Variants in TRIQK observed in about 807,000 individuals in gnomAD.
The protein encoded by TRIQK is triple QxxK/R motif-containing protein.
Under a neutral mutation model 10.8 loss-of-function variants are expected in TRIQK, and 10 were observed. The observed-to-expected ratio is 0.92, with a 90% CI of 0.57 to 1.57. The LOEUF is 1.57. TRIQK is among the 40% of genes most tolerant of loss of function. The probability of loss-of-function intolerance (pLI) is 0.00; values close to 1 mark genes in which losing one functional copy is unlikely to be tolerated. For synonymous variants in TRIQK, 33 were observed against 33.7 expected, an observed-to-expected ratio of 0.98 and a Z score of 0.07; for missense variants, 107 against 97.7, an observed-to-expected ratio of 1.09 and a Z score of -0.40.
At chr8:92,989,805 A>T (rs1028053720) in intron 1 of TRIQK, among the ~76,000 whole-genome samples, 3 of 152,244 alleles carry the variant, frequency 2.0e-5, no homozygotes, top group Admixed American at 6.5e-5. Context: ...TGCCAAAAAG[A>T]TTGGGACCAC....
intron 3 of TRIQK, among the ~76,000 whole-genome samples, chr8:92,898,868 T>TATATATAA: frequency 7.5e-6 from 1 of 132,598 alleles, no homozygotes; most frequent in Non-Finnish European, 1.6e-5. Context: ...TATATATATA[T>TATATATAA]ATATAGATGG....
chr8:92,907,881 CAT>C (rs1161907125), intron 3 of TRIQK, among the ~76,000 whole-genome samples: 1 of 151,936 alleles, frequency 6.6e-6, no homozygotes, highest in African/African-American at 2.4e-5. Flanking sequence ...GATATAAAAA[CAT>C]ATTTAATAAA....
chr8:92,941,670 C>T (rs1811277152), intron 2 of TRIQK, among the ~76,000 whole-genome samples: 1 of 151,692 alleles, frequency 6.6e-6, no homozygotes, highest in Admixed American at 6.6e-5. Flanking sequence ...CAAAGAGAAA[C>T]AAAATTAACA....
At chr8:92,951,057 T>C (rs950839720) in intron 2 of TRIQK, among the ~76,000 whole-genome samples, 1 of 152,120 alleles carries the variant, frequency 6.6e-6, no homozygotes, top group Admixed American at 6.6e-5. Context: ...TTTAATACAC[T>C]GTAAAAGCTA....
At chr8:92,981,529 T>C (rs1812987046) in intron 1 of TRIQK, among the ~76,000 whole-genome samples, 1 of 151,900 alleles carries the variant, frequency 6.6e-6, no homozygotes, top group Admixed American at 6.6e-5. Context: ...TTTCACCTTA[T>C]GTATTTTGTA....
chr8:92,937,362 G>A (rs571362972), intron 2 of TRIQK, among the ~76,000 whole-genome samples: 1 of 151,766 alleles, frequency 6.6e-6, no homozygotes, highest in African/African-American at 2.4e-5. Flanking sequence ...TAGCAGGAAT[G>A]AGGAAGTACA....
rs972537925 is a variant in TRIQK, at chr8:92,914,784, A to G, written c.61+2145T>C. Reference sequence around the variant, plus strand: ...AAAGACAGAATCCTTGTATATTCTTAGTAGAAATGGAAAAAAATAGTATGG... The same window carrying G: ...AAAGACAGAATCCTTGTATATTCTTGGTAGAAATGGAAAAAAATAGTATGG... On this transcript the variant is annotated intron_variant, in intron 3 of 4. Transcript: ENST00000521988. 2.0e-5 allele frequency among the ~76,000 whole-genome samples: 3 copies of G among 152,118 alleles called. 1 individual carries two copies. In the South Asian group the frequency reaches 6.2e-4, roughly 31 times the overall value.
chr8:92,915,155 C>T (rs751562963), intron 3 of TRIQK, among the ~76,000 whole-genome samples: 2 of 151,948 alleles, frequency 1.3e-5, no homozygotes, highest in African/African-American at 4.8e-5. Flanking sequence ...TCTTAAAAAA[C>T]GGATGTCAAA....
intron 1 of TRIQK, among the ~76,000 whole-genome samples, chr8:92,976,902 T>C (rs1217157065): frequency 2.0e-5 from 3 of 152,046 alleles, no homozygotes; most frequent in Non-Finnish European, 4.4e-5. Context: ...CTTGATGCAG[T>C]ATATTTCCAT....
At chr8:92,929,502 T>C (rs1319078119) in intron 2 of TRIQK, 2 of 152,164 alleles carry the variant, frequency 1.3e-5, no homozygotes, top group East Asian at 3.8e-4. Context: ...TTTTAATGCT[T>C]TTTTAATGCA....
intron 2 of TRIQK, among the ~76,000 whole-genome samples, chr8:92,932,423 TTGCA>T (rs1810778799): frequency 6.6e-6 from 1 of 152,184 alleles, no homozygotes; most frequent in Non-Finnish European, 1.5e-5. Flanking sequence ...AGTGTTCTCA[TTGCA>T]TGCTATCCTC....
At chr8:93,011,203 C>CATATATATAT (rs201058784) in intron 1 of TRIQK, among the ~76,000 whole-genome samples, 3 of 92,300 alleles carry the variant, frequency 3.3e-5, no homozygotes, top group Non-Finnish European at 7.6e-5. Context: ...CACACACACA[C>CATATATATAT]ACATATATAT....
intron 2 of TRIQK, among the ~76,000 whole-genome samples, chr8:92,939,599 C>T (rs1403780386): frequency 1.3e-5 from 2 of 152,112 alleles, no homozygotes; most frequent in African/African-American, 4.8e-5. Flanking sequence ...GAGATGTCCT[C>T]CTCCACAGAT....
At chr8:92,949,782 A>AAAAGAAAGAAAGAAAG (rs80051316) in intron 2 of TRIQK, among the ~76,000 whole-genome samples, 31 of 72,044 alleles carry the variant, frequency 4.3e-4, no homozygotes, top group South Asian at 6.2e-4. Context: ...GAAAGAAAGA[A>AAAAGAAAGAAAGAAAG]AAAGAAAGAA....
rs192382262 is a variant in TRIQK, at chr8:92,924,846, G to A, written c.-21-7836C>T. On this transcript the variant is annotated intron_variant, in intron 2 of 4. Coordinates refer to ENST00000521988, the MANE Select transcript of TRIQK (RefSeq NM_001171797.2). Reference sequence around the variant, plus strand: ...AGTTATTACACTGAGGAACAAATTCGTACTGTATAAAACTGGAGAGCTAAA... The same window carrying A: ...AGTTATTACACTGAGGAACAAATTCATACTGTATAAAACTGGAGAGCTAAA... Among the ~76,000 whole-genome samples the A allele has an allele frequency of 6.3e-4, 96 of 151,948 alleles. 1 individual carries two copies. The highest frequency in any genetic ancestry group is 1.9e-3 in the African/African-American group (78 of 41,482).
chr8:92,922,247 G>A (rs1258229052), intron 2 of TRIQK: 2 of 151,582 alleles, frequency 1.3e-5, no homozygotes, highest in African/African-American at 4.8e-5. Flanking sequence ...ATTGTCAATA[G>A]ATACATTATA....
chr8:92,965,208 T>C (rs16915399), intron 1 of TRIQK: 2,477 of 152,256 alleles, frequency 0.016, 36 homozygotes, highest in South Asian at 0.071. Context: ...GGGGCTCCTC[T>C]AGCAATAAAT....
intron 1 of TRIQK, among the ~76,000 whole-genome samples, chr8:93,002,884 C>T (rs1813227906): frequency 1.3e-5 from 2 of 150,570 alleles, no homozygotes; most frequent in African/African-American, 4.9e-5. Flanking sequence ...CCTGCCATTG[C>T]ACTTCAGTCT....
At position 92,888,452 on chromosome 8, in the gene TRIQK, G is replaced by A. The variant is rs917235207; in HGVS notation, c.148-1717C>T. On this transcript the variant is annotated intron_variant, in intron 4 of 4. Coordinates refer to ENST00000521988, the MANE Select transcript of TRIQK (RefSeq NM_001171797.2). Reference sequence around the variant, plus strand: ...CATTAATTCATTACATCTGTTCAATGTACAGTGTGGGTGTGGCTTAAAGGT... The same window carrying A: ...CATTAATTCATTACATCTGTTCAATATACAGTGTGGGTGTGGCTTAAAGGT... 3.3e-5 allele frequency among the ~76,000 whole-genome samples: 5 copies of A among 151,602 alleles called. No individual in the cohort carries two copies. The East Asian group carries it at 9.7e-4, about 29-fold the overall frequency.
Sources: gnomAD v4.1 joint callset for allele counts (sites outside exome capture counted in the v4.1 genomes callset) on GRCh38, gnomAD v4.1.1 for gene constraint, MANE v1.5 for transcripts, NCBI Gene and HGNC (gene_info 2026-07-23, HGNC 2026-07-21) for gene names.